NR6A1: variants seen among roughly 807,000 people sequenced by gnomAD.
NR6A1 encodes the protein retinoic acid receptor-related testis-associated receptor.
In NR6A1, 7 loss-of-function variants were observed where a neutral mutation model predicts 59.1. That is an observed-to-expected ratio of 0.12 (90% CI 0.07 to 0.22). The LOEUF (loss-of-function observed/expected upper bound fraction) is 0.22, where lower values mean the gene tolerates loss of function less well. Ranked by LOEUF, NR6A1 falls within the 10% of genes least tolerant of loss-of-function variation. NR6A1 has a pLI of 1.00. For missense variants in NR6A1, 468 were observed against 611.6 expected (o/e 0.77, Z 2.48); for synonymous variants, 243 against 236.1 (o/e 1.03, Z -0.27).
At chr9:124,645,638 C>T (rs554745379) in intron 2 of NR6A1, among the ~76,000 whole-genome samples, 1 of 152,042 alleles carries the variant, frequency 6.6e-6, no homozygotes, top group African/African-American at 2.4e-5. Flanking sequence ...TGTCAAAATA[C>T]CTGAAGCAAA....
chr9:124,603,284 C>T (rs1297717179), intron 2 of NR6A1, among the ~76,000 whole-genome samples: 4 of 152,136 alleles, frequency 2.6e-5, no homozygotes, highest in South Asian at 4.1e-4. Flanking sequence ...GATGGCTCCT[C>T]GAGAGGTGTG....
chr9:124,545,985 C>T (rs111700035), intron 3 of NR6A1, among the ~76,000 whole-genome samples: 2 of 152,254 alleles, frequency 1.3e-5, no homozygotes, highest in East Asian at 1.9e-4. Context: ...CGTGGTGGCA[C>T]ATGCCTGTAA....
chr9:124,678,092 G>A (rs1281404130), intron 2 of NR6A1, among the ~76,000 whole-genome samples: 1 of 152,146 alleles, frequency 6.6e-6, no homozygotes, highest in East Asian at 1.9e-4. Flanking sequence ...AGAATATTTG[G>A]CTGAATATTT....
chr9:124,703,454 C>T (rs1344203117), intron 2 of NR6A1, among the ~76,000 whole-genome samples: 1 of 151,818 alleles, frequency 6.6e-6, no homozygotes, highest in Non-Finnish European at 1.5e-5. Flanking sequence ...GCAATCCTCC[C>T]ACCTCAGCCT....
chr9:124,539,904 A>C, intron 5 of NR6A1, 129 bp downstream of exon 5: 6 of 1,066,756 alleles, frequency 5.6e-6, no homozygotes, highest in Non-Finnish European at 7.9e-6. Context: ...CCCTACTCCA[A>C]GAGTCTGAGG....
intron 2 of NR6A1, among the ~76,000 whole-genome samples, chr9:124,555,320 C>T (rs1408289013): frequency 6.6e-6 from 1 of 152,234 alleles, no homozygotes; most frequent in Non-Finnish European, 1.5e-5. Flanking sequence ...GACAAAAAAG[C>T]ACCCTGTGAA....
intron 2 of NR6A1, among the ~76,000 whole-genome samples, chr9:124,628,778 C>G (rs1046952759): frequency 1.3e-5 from 2 of 152,034 alleles, no homozygotes; most frequent in African/African-American, 2.4e-5. Flanking sequence ...GTAGCTGGGA[C>G]TAGAGGCACA....
rs374941389 is a variant in NR6A1, at chr9:124,736,488, T to C, written c.101-3139A>G. ...CAAAGGCCACATGATCCAAGGAGAA[T>C]TGACCCTAACTTTGTTGTAAATTGG... On this transcript the variant is annotated intron_variant, in intron 1 of 9. Transcript: ENST00000487099. Among the ~76,000 whole-genome samples, 8 of 152,190 alleles carry C rather than the reference T, an allele frequency of 5.3e-5. No individual in the cohort carries two copies. The South Asian group carries it at 6.2e-4, about 12-fold the overall frequency.
At chr9:124,622,175 C>T (rs1564205123) in intron 2 of NR6A1, among the ~76,000 whole-genome samples, 1 of 152,272 alleles carries the variant, frequency 6.6e-6, no homozygotes, top group East Asian at 1.9e-4. Flanking sequence ...GAGATCACAC[C>T]ACCACACTCC....
At chr9:124,738,606 C>T (rs762679545) in intron 1 of NR6A1, among the ~76,000 whole-genome samples, 5 of 152,150 alleles carry the variant, frequency 3.3e-5, no homozygotes, top group African/African-American at 4.8e-5. Context: ...CAATCGCTCA[C>T]GCCTGTAATC....
intron 2 of NR6A1, among the ~76,000 whole-genome samples, chr9:124,580,626 C>T (rs1834736561): frequency 1.3e-5 from 2 of 152,112 alleles, no homozygotes; most frequent in African/African-American, 4.8e-5. Context: ...TTAAGACCAG[C>T]TTGGTCAACA....
intron 2 of NR6A1, among the ~76,000 whole-genome samples, chr9:124,570,732 G>T (rs1424311962): frequency 6.6e-6 from 1 of 151,050 alleles, no homozygotes; most frequent in Non-Finnish European, 1.5e-5. Flanking sequence ...TTTACTTGGT[G>T]GGGGGTGGGG....
At chr9:124,701,158 T>G (rs1161169315) in intron 2 of NR6A1, among the ~76,000 whole-genome samples, 2 of 152,192 alleles carry the variant, frequency 1.3e-5, no homozygotes, top group Admixed American at 1.3e-4. Flanking sequence ...TTTAATGAAC[T>G]GCCAAACTGA....
chr9:124,668,021 C>T (rs1172209764), intron 2 of NR6A1, among the ~76,000 whole-genome samples: 1 of 152,086 alleles, frequency 6.6e-6, no homozygotes, highest in African/African-American at 2.4e-5. Flanking sequence ...GACCAACCTC[C>T]CATGCAGTCA....
intron 2 of NR6A1, among the ~76,000 whole-genome samples, chr9:124,651,583 T>C (rs1259667443): frequency 6.6e-6 from 1 of 152,162 alleles, no homozygotes; most frequent in African/African-American, 2.4e-5. Context: ...GTGGTTCCCT[T>C]CTCCCTTTCT....
At chr9:124,723,722 A>G (rs991377501) in intron 2 of NR6A1, among the ~76,000 whole-genome samples, 1 of 152,208 alleles carries the variant, frequency 6.6e-6, no homozygotes, top group Admixed American at 6.5e-5. Context: ...CACTATTCCA[A>G]ACTTTAAATA....
chr9:124,637,656 C>A (rs1333363902), intron 2 of NR6A1, among the ~76,000 whole-genome samples: 1 of 152,018 alleles, frequency 6.6e-6, no homozygotes. Context: ...TTTGGAAGGT[C>A]AAAGCGGGCA....
chr9:124,740,226 T>C (rs768459881), intron 1 of NR6A1, among the ~76,000 whole-genome samples: 3 of 152,192 alleles, frequency 2.0e-5, no homozygotes, highest in Non-Finnish European at 2.9e-5. Context: ...AGGACTCAAG[T>C]CAGGTCTCCT....
At chr9:124,650,173 A>C (rs902193707) in intron 2 of NR6A1, among the ~76,000 whole-genome samples, 13 of 152,242 alleles carry the variant, frequency 8.5e-5, no homozygotes, top group African/African-American at 3.1e-4. Context: ...AACAGCCAAG[A>C]TATCAGACAT....
Sources: gnomAD v4.1 joint callset for allele counts (sites outside exome capture counted in the v4.1 genomes callset) on GRCh38, gnomAD v4.1.1 for gene constraint, MANE v1.5 for transcripts, NCBI Gene and HGNC (gene_info 2026-07-23, HGNC 2026-07-21) for gene names.